The following NFX1 variants were observed in gnomAD, a reference collection of about 807,000 sequenced individuals.
The protein encoded by NFX1 is nuclear transcription factor, X-box binding 1.
In NFX1, 69 loss-of-function variants were observed where a neutral mutation model predicts 137.2. That is an observed-to-expected ratio of 0.50 (90% CI 0.41 to 0.61). The LOEUF (loss-of-function observed/expected upper bound fraction) is 0.61. Among genes scored for constraint, NFX1 ranks in the 20% least tolerant of loss-of-function variants. The pLI, the probability that NFX1 is intolerant of heterozygous loss-of-function variation, is 0.00. For synonymous variants in NFX1, 495 were observed against 474.1 expected (o/e 1.04, Z -0.57); for missense variants, 1,167 against 1,391.0 (o/e 0.84, Z 2.56).
At chr9:33,342,704 A>G (rs1355398731) in intron 12 of NFX1, 42 bp from the exon 13 acceptor site, 2 of 1,353,946 alleles carry the variant, frequency 1.5e-6, no homozygotes, top group African/African-American at 1.5e-5. Context: ...AAAATATAAA[A>G]TGAAGACCAT....
At chr9:33,299,610 C>T (rs949418279) in intron 2 of NFX1, among the ~76,000 whole-genome samples, 4 of 152,214 alleles carry the variant, frequency 2.6e-5, no homozygotes, top group African/African-American at 9.6e-5. Context: ...ATCGCTTGGG[C>T]CCAGGAGTTT....
chr9:33,303,164 T>G, intron 3 of NFX1, 27 bp from the exon 4 acceptor site: 1 of 1,598,288 alleles, frequency 6.3e-7, no homozygotes, highest in South Asian at 1.1e-5. Context: ...GAAAATTTAT[T>G]TGGCCTACTC....
intron 14 of NFX1, among the ~76,000 whole-genome samples, chr9:33,345,670 CTTA>C (rs924947234): frequency 6.6e-6 from 1 of 151,982 alleles, no homozygotes; most frequent in African/African-American, 2.4e-5. Flanking sequence ...TTTTCCCACT[CTTA>C]TTATTATATT....
chr9:33,334,535 T>G (rs1023504546), intron 11 of NFX1, among the ~76,000 whole-genome samples: 1 of 152,126 alleles, frequency 6.6e-6, no homozygotes, highest in Non-Finnish European at 1.5e-5. Context: ...AAAAAAAATA[T>G]GAAGTGAAAG....
At chr9:33,347,014 A>T (rs373110354) in intron 14 of NFX1, 24 bp from the exon 15 acceptor site, 2 of 1,580,092 alleles carry the variant, frequency 1.3e-6, no homozygotes, top group South Asian at 2.2e-5. Context: ...AAGTATTCCT[A>T]AAGTTACCTT....
At chr9:33,327,379 T>C (rs1822633308) in intron 9 of NFX1, among the ~76,000 whole-genome samples, 1 of 151,876 alleles carries the variant, frequency 6.6e-6, no homozygotes, top group Admixed American at 6.6e-5. Flanking sequence ...CTATATGCTC[T>C]CTTGAGATGG....
intron 5 of NFX1, among the ~76,000 whole-genome samples, chr9:33,310,631 G>T (rs1243213333): frequency 6.6e-6 from 1 of 151,910 alleles, no homozygotes; most frequent in African/African-American, 2.4e-5. Context: ...TCCATTGTTT[G>T]CCCAGTGCCT....
chr9:33,344,288 G>A, intron 14 of NFX1, 100 bp downstream of exon 14: 6 of 1,528,378 alleles, frequency 3.9e-6, no homozygotes, highest in Non-Finnish European at 5.4e-6. Context: ...ATGCTGTGAT[G>A]GCTGCCCCTT....
At chr9:33,338,050 G>GA (rs753944671) in intron 11 of NFX1, among the ~76,000 whole-genome samples, 4,461 of 131,312 alleles carry the variant, frequency 0.034, 97 homozygotes, top group Middle Eastern at 0.056. Flanking sequence ...CCCTGTCTCA[G>GA]AAAAAAAAAA....
chr9:33,353,572 G>A (rs558683242), intron 17 of NFX1, among the ~76,000 whole-genome samples: 2 of 151,940 alleles, frequency 1.3e-5, no homozygotes, highest in Non-Finnish European at 2.9e-5. Context: ...TCACCTCATC[G>A]CTTCCCATGT....
chr9:33,317,271 T>C (rs1239246018), intron 7 of NFX1, among the ~76,000 whole-genome samples: 2 of 151,188 alleles, frequency 1.3e-5, no homozygotes, highest in African/African-American at 4.9e-5. Flanking sequence ...ATACAAAAGC[T>C]AGCCAGGTGT....
At chr9:33,338,715 C>T in intron 12 of NFX1, 126 bp downstream of exon 12, 1 of 776,648 alleles carries the variant, frequency 1.3e-6, no homozygotes, top group Non-Finnish European at 2.1e-6. Context: ...AAGCAGCAGT[C>T]AGAGAGCTCT....
chr9:33,331,751 T>C (rs1822814987), intron 10 of NFX1, among the ~76,000 whole-genome samples: 1 of 152,126 alleles, frequency 6.6e-6, no homozygotes, highest in African/African-American at 2.4e-5. Context: ...AAGTCATTTT[T>C]CTCATTTCTG....
In NFX1 at chr9:33,351,550, T is replaced by C; in HGVS notation, c.2425-10T>C. ...GGAGATGAGAATCTGGCTACTTCTG[T>C]CTCTCCTAGTTTCGGAGCAACATCC... On this transcript the variant is annotated splice_polypyrimidine_tract_variant and intron_variant, in intron 15 of 23. Transcript: ENST00000379540. The C allele has an allele frequency of 6.2e-7, 1 of 1,613,514 alleles. No homozygotes were observed. The highest frequency in any genetic ancestry group is 8.5e-7 in the Non-Finnish European group (1 of 1,179,436).
intron 15 of NFX1, 103 bp downstream of exon 15, chr9:33,347,220 AAGT>A: frequency 2.3e-6 from 2 of 860,856 alleles, no homozygotes; most frequent in Non-Finnish European, 3.7e-6. Flanking sequence ...ATACACTCAG[AAGT>A]AGAAGCTTTC....
intron 2 of NFX1, among the ~76,000 whole-genome samples, chr9:33,296,729 G>T (rs1272789702): frequency 6.6e-6 from 1 of 152,080 alleles, no homozygotes; most frequent in Non-Finnish European, 1.5e-5. Flanking sequence ...GTTTTGCGGG[G>T]GGAAAAAAGT....
intron 23 of NFX1, among the ~76,000 whole-genome samples, 166 bp downstream of exon 23, chr9:33,367,785 C>T (rs946573810): frequency 6.6e-6 from 1 of 152,198 alleles, no homozygotes; most frequent in Admixed American, 6.5e-5. Context: ...CACGTTTGTT[C>T]CCACCAGAGG....
intron 1 of NFX1, among the ~76,000 whole-genome samples, chr9:33,291,393 T>G (rs1821155342): frequency 1.3e-5 from 2 of 152,220 alleles, no homozygotes; most frequent in Admixed American, 6.5e-5. Flanking sequence ...ATATTCTGTT[T>G]TCTGTTTCGT....
chr9:33,295,788 T>C (rs1463651580), intron 2 of NFX1, among the ~76,000 whole-genome samples: 2 of 152,232 alleles, frequency 1.3e-5, no homozygotes, highest in Non-Finnish European at 2.9e-5. Context: ...GCTGCCTCTT[T>C]TGGTTTCATC....
Sources: gnomAD v4.1 joint callset for allele counts (sites outside exome capture counted in the v4.1 genomes callset) on GRCh38, gnomAD v4.1.1 for gene constraint, MANE v1.5 for transcripts, NCBI Gene and HGNC (gene_info 2026-07-23, HGNC 2026-07-21) for gene names.